The following WWOX variants were observed in gnomAD, a reference collection of about 807,000 sequenced individuals.
The protein encoded by WWOX is WW domain containing oxidoreductase.
WWOX carries 69 observed loss-of-function variants against 46.2 expected under a neutral mutation model. The ratio of observed to expected loss-of-function variants is 1.49; its 90% CI spans 1.23 to 1.82. WWOX has a LOEUF of 1.82. Ranked by LOEUF, WWOX falls within the 40% of genes most tolerant of loss-of-function variation. The pLI, the probability that WWOX is intolerant of heterozygous loss-of-function variation, is 0.00. For synonymous variants in WWOX, 359 were observed against 202.6 expected, an observed-to-expected ratio of 1.77 and a Z score of -6.56; for missense variants, 919 against 542.6, an observed-to-expected ratio of 1.69 and a Z score of -6.89.
At position 78,565,923 on chromosome 16, in the gene WWOX, C is replaced by G. The variant is rs571336776; in HGVS notation, c.1056+133171C>G. ...CCCCGCCCCCCGCCCCCAACATTGA[C>G]TGGGCAGATATTCATACAATGGCGA... On this transcript the variant is annotated intron_variant, in intron 8 of 8. Coordinates refer to ENST00000566780, the MANE Select transcript of WWOX (RefSeq NM_016373.4). 2.4e-5 allele frequency among the ~76,000 whole-genome samples: 3 copies of G among 122,600 alleles called. No individual in the cohort carries two copies. In the South Asian group the frequency reaches 8.8e-4, roughly 36 times the overall value. 80.4% of individuals were successfully genotyped at this position (122,600 alleles called of 152,430 possible). A position where few individuals can be genotyped will look rare whatever the true frequency, so the allele number is the denominator to read the frequency against.
chr16:78,715,998 A>C (rs1330099597), intron 8 of WWOX, among the ~76,000 whole-genome samples: 1 of 152,178 alleles, frequency 6.6e-6, no homozygotes, highest in African/African-American at 2.4e-5. Context: ...TGAGCAAGAA[A>C]TTATGGTGGT....
intron 8 of WWOX, among the ~76,000 whole-genome samples, chr16:78,874,525 C>A (rs2044194791): frequency 1.3e-5 from 2 of 151,996 alleles, no homozygotes; most frequent in South Asian, 4.2e-4. Flanking sequence ...ACTGCAGCGC[C>A]TGGTATACAG....
intron 8 of WWOX, among the ~76,000 whole-genome samples, chr16:78,944,064 T>C (rs904769002): frequency 1.1e-4 from 17 of 152,194 alleles, no homozygotes; most frequent in African/African-American, 4.1e-4. Flanking sequence ...GACGTATTGA[T>C]TTCTGAGAAT....
intron 8 of WWOX, among the ~76,000 whole-genome samples, chr16:78,884,541 C>T (rs1320379679): frequency 1.3e-5 from 2 of 152,056 alleles, no homozygotes; most frequent in Non-Finnish European, 2.9e-5. Context: ...CTAAATTCAA[C>T]AATGTGGATT....
At chr16:78,543,603 A>G (rs2043953624) in intron 8 of WWOX, among the ~76,000 whole-genome samples, 1 of 152,206 alleles carries the variant, frequency 6.6e-6, no homozygotes, top group African/African-American at 2.4e-5. Context: ...ATGCTGAAAG[A>G]CTTGGAATGC....
intron 8 of WWOX, among the ~76,000 whole-genome samples, chr16:79,027,984 C>G (rs974141116): frequency 2.0e-5 from 3 of 151,852 alleles, no homozygotes; most frequent in South Asian, 2.1e-4. Flanking sequence ...CGGAGTGTCG[C>G]TCTGTCGCCT....
At chr16:78,305,348 C>T (rs1220115800) in intron 5 of WWOX, among the ~76,000 whole-genome samples, 1 of 152,176 alleles carries the variant, frequency 6.6e-6, no homozygotes, top group Non-Finnish European at 1.5e-5. Context: ...GTCCCTCCGG[C>T]CTCCTTGCTC....
chr16:78,470,028 G>C (rs778060769), intron 8 of WWOX, among the ~76,000 whole-genome samples: 6 of 152,206 alleles, frequency 3.9e-5, no homozygotes, highest in Non-Finnish European at 5.9e-5. Flanking sequence ...AAAGATAGTA[G>C]AAGTTTATTT....
At chr16:78,913,955 G>A (rs1024011059) in intron 8 of WWOX, among the ~76,000 whole-genome samples, 8 of 151,892 alleles carry the variant, frequency 5.3e-5, no homozygotes, top group Non-Finnish European at 7.4e-5. Flanking sequence ...TCCACTGCAC[G>A]TGGCCCATAC....
At chr16:78,600,755 T>TTCA (rs1243392348) in intron 8 of WWOX, among the ~76,000 whole-genome samples, 4 of 152,166 alleles carry the variant, frequency 2.6e-5, no homozygotes, top group African/African-American at 9.7e-5. Flanking sequence ...ACTGAGAGAA[T>TTCA]TCTAGGCTTG....
chr16:78,578,594 A>C (rs558016332), intron 8 of WWOX, among the ~76,000 whole-genome samples: 1 of 151,904 alleles, frequency 6.6e-6, no homozygotes, highest in Admixed American at 6.6e-5. Flanking sequence ...GGCGAAAATT[A>C]TATATTATAC....
intron 8 of WWOX, among the ~76,000 whole-genome samples, chr16:79,063,217 C>T (rs960496660): frequency 6.6e-6 from 1 of 152,100 alleles, no homozygotes; most frequent in African/African-American, 2.4e-5. Flanking sequence ...AAATAGACCT[C>T]GAGGTATTTT....
intron 8 of WWOX, among the ~76,000 whole-genome samples, chr16:79,085,645 T>C (rs545160839): frequency 2.0e-5 from 3 of 152,314 alleles, no homozygotes; most frequent in African/African-American, 7.2e-5. Flanking sequence ...TTTTCAAAAT[T>C]ATATCATCTT....
intron 8 of WWOX, among the ~76,000 whole-genome samples, chr16:78,759,982 T>C (rs139189245): frequency 6.6e-5 from 10 of 152,278 alleles, no homozygotes; most frequent in African/African-American, 2.2e-4. Flanking sequence ...CCTCTTACAA[T>C]GACCCTTTTA....
chr16:78,661,431 A>G (rs1361114657), intron 8 of WWOX, among the ~76,000 whole-genome samples: 1 of 152,032 alleles, frequency 6.6e-6, no homozygotes, highest in Non-Finnish European at 1.5e-5. Context: ...AATACATCAC[A>G]TTGATTTTCT....
chr16:78,464,047 T>G (rs148835590), intron 8 of WWOX, among the ~76,000 whole-genome samples: 1 of 152,070 alleles, frequency 6.6e-6, no homozygotes, highest in African/African-American at 2.4e-5. Context: ...GTAGAGGAGA[T>G]GAAGCTGATC....
At chr16:78,871,755 A>C (rs982537657) in intron 8 of WWOX, among the ~76,000 whole-genome samples, 3 of 152,158 alleles carry the variant, frequency 2.0e-5, no homozygotes, top group African/African-American at 7.2e-5. Flanking sequence ...AGGCACCACC[A>C]TACCCACCTA....
chr16:78,520,911 A>G lies in WWOX; in HGVS notation c.1056+88159A>G, dbSNP rs2043335144. ...TTTTGCCATGGTGTTAACAAGCAAA[A>G]GAAGACAAAAGAGCTCAAAATAGAC... is the stretch of plus-strand genomic sequence containing the variant. On this transcript the variant is annotated intron_variant, in intron 8 of 8. Transcript: ENST00000566780. 2.6e-5 allele frequency among the ~76,000 whole-genome samples: 4 copies of G among 152,284 alleles called. No individual in the cohort carries two copies. The South Asian group carries it at 8.3e-4, about 32-fold the overall frequency.
chr16:78,644,523 G>T (rs1261922914), intron 8 of WWOX, among the ~76,000 whole-genome samples: 1 of 152,008 alleles, frequency 6.6e-6, no homozygotes, highest in Non-Finnish European at 1.5e-5. Flanking sequence ...GTACAGTGGG[G>T]CAAACTCAGC....
Sources: allele counts gnomAD v4.1 joint callset (sites outside exome capture counted in the v4.1 genomes callset), GRCh38; gene constraint gnomAD v4.1.1; transcripts MANE v1.5; gene names NCBI Gene and HGNC (gene_info 2026-07-23, HGNC 2026-07-21).